KCNK2: variants seen among roughly 807,000 people sequenced by gnomAD.
KCNK2 encodes the protein potassium two pore domain channel subfamily K member 2, also known as potassium channel subfamily K member 2.
Under a neutral mutation model 40.5 loss-of-function variants are expected in KCNK2, and 21 were observed. That is an observed-to-expected ratio of 0.52 (90% CI 0.37 to 0.75). KCNK2 has a LOEUF of 0.75. KCNK2 is among the 30% of genes least tolerant of loss of function. The pLI is 0.00. For synonymous variants in KCNK2, 191 were observed against 202.2 expected (o/e 0.94, Z 0.47); for missense variants, 399 against 531.6 (o/e 0.75, Z 2.45).
upstream of KCNK2, among the ~76,000 whole-genome samples, chr1:215,080,338 C>A (rs181790218): frequency 6.6e-6 from 1 of 151,694 alleles, no homozygotes; most frequent in African/African-American, 2.4e-5. Flanking sequence ...AATCGAATTG[C>A]GAACAAAATG....
At chr1:215,156,565 G>A (rs1662937145) in intron 3 of KCNK2, among the ~76,000 whole-genome samples, 1 of 152,080 alleles carries the variant, frequency 6.6e-6, no homozygotes, top group Non-Finnish European at 1.5e-5. Flanking sequence ...CAATTTCTGT[G>A]GAACAAATAT....
chr1:215,174,332 C>T (rs920118592), intron 5 of KCNK2, among the ~76,000 whole-genome samples: 1 of 152,074 alleles, frequency 6.6e-6, no homozygotes, highest in African/African-American at 2.4e-5. Context: ...TGGTCTATAT[C>T]TCTGTTTTGG....
chr1:215,122,281 A>G (rs564539373), intron 2 of KCNK2, among the ~76,000 whole-genome samples: 54 of 152,288 alleles, frequency 3.5e-4, no homozygotes, highest in African/African-American at 1.3e-3. Context: ...GAAGTATTCA[A>G]CATATTTCAA....
At chr1:215,057,629 T>C (rs1489779361) in intron 1 of KCNK2, among the ~76,000 whole-genome samples, 1 of 152,104 alleles carries the variant, frequency 6.6e-6, no homozygotes, top group African/African-American at 2.4e-5. Flanking sequence ...GAAAATTCCA[T>C]ATTAACAATG....
intron 5 of KCNK2, among the ~76,000 whole-genome samples, chr1:215,173,597 G>T (rs867172403): frequency 6.6e-6 from 1 of 152,150 alleles, no homozygotes; most frequent in Non-Finnish European, 1.5e-5. Context: ...CAGTGTAAAA[G>T]TGTTCTTATT....
intron 2 of KCNK2, among the ~76,000 whole-genome samples, chr1:215,097,902 A>G (rs1660048167): frequency 6.6e-6 from 1 of 151,976 alleles, no homozygotes. Flanking sequence ...CTCTGAACTC[A>G]TAGGCATGGT....
intron 6 of KCNK2, among the ~76,000 whole-genome samples, chr1:215,228,377 TAGTG>T (rs141461883): frequency 1.3e-5 from 2 of 152,204 alleles, no homozygotes; most frequent in East Asian, 3.9e-4. Context: ...ACAGAGAACT[TAGTG>T]AGGTGGATGA....
rs1042704966 is a variant in KCNK2 at position 215,055,660 on chromosome 1, A to G, written c.35-30708A>G. ...AAGTTTTCTAGTCTTTCTTCTTTCC[A>G]TGCTTTCCTCCCACCCTCCATTCAT... On this transcript the variant is annotated intron_variant, in intron 1 of 6. Transcript: ENST00000391895. Among the ~76,000 whole-genome samples, 6 of 152,160 alleles carry G rather than the reference A, an allele frequency of 3.9e-5. No homozygotes were observed. In the East Asian group the frequency reaches 1.2e-3, roughly 29 times the overall value.
intron 2 of KCNK2, among the ~76,000 whole-genome samples, chr1:215,087,288 T>C (rs1448789079): frequency 6.6e-6 from 1 of 152,210 alleles, no homozygotes; most frequent in Non-Finnish European, 1.5e-5. Context: ...AAGTGATTAA[T>C]TATTGCTTCT....
chr1:215,100,131 A>C (rs1370972208), intron 2 of KCNK2, among the ~76,000 whole-genome samples: 7 of 151,892 alleles, frequency 4.6e-5, no homozygotes, highest in Non-Finnish European at 8.8e-5. Context: ...TAGAGGGCAG[A>C]GGTACCTCAT....
At chr1:215,006,103 G>T (rs532185369) in intron 1 of KCNK2, 1 of 659,222 alleles carries the variant, frequency 1.5e-6, no homozygotes, top group South Asian at 2.0e-5. Flanking sequence ...CCAACAGAGG[G>T]TTAGTTGCTG....
At chr1:215,071,218 A>G (rs936376472) in intron 1 of KCNK2, among the ~76,000 whole-genome samples, 8 of 152,170 alleles carry the variant, frequency 5.3e-5, no homozygotes, top group African/African-American at 1.9e-4. Flanking sequence ...TGTGATTTTG[A>G]CATGTCTTGT....
At chr1:215,233,551 T>G (rs1666760659) in intron 6 of KCNK2, among the ~76,000 whole-genome samples, 1 of 152,106 alleles carries the variant, frequency 6.6e-6, no homozygotes, top group Non-Finnish European at 1.5e-5. Flanking sequence ...ATCTATCCCC[T>G]CCAATAATTC....
At chr1:215,034,250 C>T (rs1340782656) in intron 1 of KCNK2, among the ~76,000 whole-genome samples, 1 of 152,080 alleles carries the variant, frequency 6.6e-6, no homozygotes, top group East Asian at 1.9e-4. Flanking sequence ...TAAAATCTCT[C>T]AGTAATTCAA....
chr1:215,184,284 A>G (rs552236989), intron 5 of KCNK2, among the ~76,000 whole-genome samples: 1 of 152,328 alleles, frequency 6.6e-6, no homozygotes, highest in East Asian at 1.9e-4. Context: ...TTATTACAGG[A>G]GAAAGTGAGA....
Position 215,042,029 on chromosome 1 carries a change from C to T in KCNK2, c.34+36074C>T, listed in dbSNP as rs548933424. On this transcript the variant is annotated intron_variant, in intron 1 of 6. Transcript: ENST00000391895. ...GGGGAACTCTCCCTTATAAAACTAT[C>T]AGATCTCATGAGACTTATTAACTGT... 1.5e-4 allele frequency among the ~76,000 whole-genome samples: 23 copies of T among 152,260 alleles called. No homozygotes were observed. The South Asian group carries it at 4.8e-3, about 32-fold the overall frequency.
At chr1:215,234,275 G>C (rs527826853) in intron 6 of KCNK2, among the ~76,000 whole-genome samples, 6 of 152,194 alleles carry the variant, frequency 3.9e-5, no homozygotes, top group Non-Finnish European at 7.3e-5. Context: ...TGACCAGTAT[G>C]AGGTTGGATA....
chr1:215,006,121 T>C (rs1355324471), intron 1 of KCNK2, among the ~76,000 whole-genome samples: 1 of 152,194 alleles, frequency 6.6e-6, no homozygotes, highest in Non-Finnish European at 1.5e-5. Context: ...CTGGAATTTT[T>C]TCCATGACCT....
intron 2 of KCNK2, among the ~76,000 whole-genome samples, chr1:215,112,768 A>G (rs1660749457): frequency 6.6e-6 from 1 of 152,210 alleles, no homozygotes; most frequent in African/African-American, 2.4e-5. Context: ...TATTCAGTAC[A>G]GAAAAATGCT....
Sources: allele counts gnomAD v4.1 joint callset (sites outside exome capture counted in the v4.1 genomes callset), GRCh38; gene constraint gnomAD v4.1.1; transcripts MANE v1.5; gene names NCBI Gene and HGNC (gene_info 2026-07-23, HGNC 2026-07-21).